SZT2: variants seen among roughly 807,000 people sequenced by gnomAD.
The protein encoded by SZT2 is SZT2 subunit of KICSTOR complex.
Under a neutral mutation model 404.2 loss-of-function variants are expected in SZT2, and 216 were observed. The observed-to-expected ratio is 0.53, with a 90% CI of 0.48 to 0.60. The LOEUF is 0.60. Ranked by LOEUF, SZT2 falls within the 20% of genes least tolerant of loss-of-function variation. The probability of loss-of-function intolerance (pLI) is 0.00; values close to 1 mark genes in which losing one functional copy is unlikely to be tolerated. For missense variants in SZT2, 3,857 were observed against 4,459.2 expected, an observed-to-expected ratio of 0.86 and a Z score of 3.85; for synonymous variants, 1,693 against 1,749.9, an observed-to-expected ratio of 0.97 and a Z score of 0.81.
At chr1:43,430,139 C>A in intron 30 of SZT2, 36 bp downstream of exon 30, 1 of 1,611,492 alleles carries the variant, frequency 6.2e-7, no homozygotes, top group Non-Finnish European at 8.5e-7. Flanking sequence ...CTCGTGCCCT[C>A]AACCCAGAGG....
In SZT2 at chr1:43,445,998, T is replaced by C; in HGVS notation, c.8916+14T>C. 1 of 1,613,546 alleles carries C rather than the reference T, an allele frequency of 6.2e-7. No homozygotes were observed. Among genetic ancestry groups the C allele is most frequent in the Non-Finnish European group, 8.5e-7 (1 of 1,179,568 alleles). On this transcript the variant is annotated intron_variant, in intron 63 of 71. Transcript: ENST00000634258. ...GGGAGCCCCAAGGTAACTTGTCATA[T>C]AATGGTAAAGTTACTGATGCTAAAT...
At chr1:43,443,945 G>A (rs1187249043) in intron 62 of SZT2, 149 bp downstream of exon 62, 2 of 933,072 alleles carry the variant, frequency 2.1e-6, no homozygotes, top group African/African-American at 1.7e-5. Context: ...CTCATGTGAG[G>A]GTCTCAGATA....
rs1302940706 is a variant in SZT2, at chr1:43,429,778, G to A, written c.4242G>A (p.Glu1414=). The change falls in exon 29 of 72, where the codon GAG becomes GAA. Residue 1414 remains glutamate (E), a synonymous_variant. Transcript: ENST00000634258. ...CTGGCATTCCAGACCCTGGGCCAGA[G>A]ATCTCTCTGACAGATGTCTGCCAGC... ...RVPGIPDPGP[E]ISLTDVCQLR... 2.5e-6 allele frequency: 4 copies of A among 1,614,110 alleles called. No homozygotes were observed. Among genetic ancestry groups the A allele is most frequent in the East Asian group, 2.2e-5 (1 of 44,886 alleles).
In SZT2 at chr1:43,394,068, CAAG is replaced by C. The variant is rs1366913696; in HGVS notation, c.27+4074_27+4076del. ...CTCTGAGAGTAATGAACTTCAGACT[CAAG>C]GAGGATTCATATGAGGACTTGAAGC... On this transcript the variant is annotated intron_variant, in intron 1 of 71. Coordinates refer to ENST00000634258, the MANE Select transcript of SZT2 (RefSeq NM_001365999.1). The C allele has an allele frequency of 6.1e-6, 6 of 984,970 alleles. No homozygotes were observed. The South Asian group carries it at 1.9e-4, about 31-fold the overall frequency. The allele number at this position is 984,970 out of a possible 1,614,324, so 61.0% of individuals were successfully genotyped here. A position where few individuals can be genotyped will look rare whatever the true frequency, so the allele number is the denominator to read the frequency against.
chr1:43,453,406 G>A lies in SZT2; in HGVS notation c.*2926G>A, dbSNP rs545302537. ...GGTACCTGGGACAGCCCAGGGCTTT[G>A]GCATACCGCACGGCCTGCTCCAGTC... On this transcript the variant is annotated 3_prime_UTR_variant, in exon 72 of 72. Coordinates refer to ENST00000634258, the MANE Select transcript of SZT2 (RefSeq NM_001365999.1). 1.9e-6 allele frequency: 3 copies of A among 1,556,536 alleles called. No homozygotes were observed. Among genetic ancestry groups the A allele is most frequent in the Non-Finnish European group, 2.6e-6 (3 of 1,149,260 alleles).
At chr1:43,423,012 G>T (rs1652598514) in intron 14 of SZT2, 87 bp from the exon 15 acceptor site, 2 of 1,506,562 alleles carry the variant, frequency 1.3e-6, no homozygotes, top group Non-Finnish European at 1.8e-6. Context: ...CTGGAGAAGA[G>T]GGCTGTGTCT....
At position 43,445,902 on chromosome 1, in the gene SZT2, G is replaced by A. The variant is rs767832774; in HGVS notation, c.8834G>A (p.Arg2945Gln). The A allele has an allele frequency of 2.1e-5, 34 of 1,614,054 alleles. No homozygotes were observed. Among genetic ancestry groups the A allele is most frequent in the South Asian group, 3.3e-5 (3 of 91,084 alleles). Residue 2945 changes from arginine (R) to glutamine (Q), a missense_variant, in exon 63 of 72, where the codon CGG becomes CAG. Around this residue, in one of 7 missense-constraint regions of SZT2, gnomAD observed 717 missense variants for 868.2 expected, o/e 0.83. Transcript: ENST00000634258. Reference protein sequence around the residue: ...RPPSPARSTSRPRAMAILGTE... With the variant: ...RPPSPARSTSQPRAMAILGTE... ...CTCCTCCTTTTCTATAGCACCAGCC[G>A]GCCACGGGCCATGGCTATCCTTGGA...
At position 43,441,428 on chromosome 1, in the gene SZT2, C is replaced by T; in HGVS notation, c.7511+48C>T. 3 of 1,609,996 alleles carry T rather than the reference C, an allele frequency of 1.9e-6. No individual in the cohort carries two copies. Among genetic ancestry groups the T allele is most frequent in the Non-Finnish European group, 2.5e-6 (3 of 1,177,452 alleles). On this transcript the variant is annotated intron_variant, in intron 53 of 71. Transcript: ENST00000634258. This position sits in a 1 kb window ranked among gnomAD's most constrained non-coding sequence, Gnocchi z 4.8. The stretch of plus-strand genomic sequence containing the variant: ...CCCTGGGAGGGTATGGGTGTGAAGT[C>T]ACAGATGGGCCTTGGTCTGTATAAA...
intron 1 of SZT2, among the ~76,000 whole-genome samples, 171 bp from the exon 2 acceptor site, chr1:43,403,006 A>G (rs1649864857): frequency 6.6e-6 from 1 of 152,160 alleles, no homozygotes; most frequent in Non-Finnish European, 1.5e-5. Flanking sequence ...AGAGTTGAGA[A>G]TTGACTCCCT....
chr1:43,432,585 G>T lies in SZT2; in HGVS notation c.5511G>T (p.Leu1837=). Residue 1837 remains leucine (L), a synonymous_variant, in exon 38 of 72, where the codon CTG becomes CTT. Coordinates refer to ENST00000634258, the MANE Select transcript of SZT2 (RefSeq NM_001365999.1). The part of the protein sequence containing the change: ...EDSEGVPLIS[L]PRVPQGGSQP... ...CTGAGGGTGTCCCCCTCATCAGCCT[G>T]CCCCGCGTGCCACAGGGAGGTAAGA... The T allele has an allele frequency of 1.9e-6, 3 of 1,613,758 alleles. No homozygotes were observed. Among genetic ancestry groups the T allele is most frequent in the Non-Finnish European group, 2.5e-6 (3 of 1,179,802 alleles).
chr1:43,445,934 G>A lies in SZT2; in HGVS notation c.8866G>A (p.Gly2956Ser), dbSNP rs201072050. ...PRAMAILGTE[G>S]RGSFSCPKTK... ...GGCCATGGCTATCCTTGGAACAGAG[G>A]GTCGAGGCTCCTTCTCCTGCCCTAA... Residue 2956 changes from glycine (G) to serine (S), a missense_variant, in exon 63 of 72, where the codon GGT becomes AGT. This residue lies in a region of SZT2 where 717 missense variants were observed against 868.2 expected (regional missense o/e 0.83). Coordinates refer to ENST00000634258, the MANE Select transcript of SZT2 (RefSeq NM_001365999.1). The A allele has an allele frequency of 4.0e-5, 65 of 1,614,092 alleles. No homozygotes were observed. Among genetic ancestry groups the A allele is most frequent in the Non-Finnish European group, 5.3e-5 (62 of 1,180,050 alleles).
chr1:43,427,091 C>T lies in SZT2; in HGVS notation c.3345C>T (p.Ile1115=), dbSNP rs775988619. 6.8e-6 allele frequency: 11 copies of T among 1,614,028 alleles called. No individual in the cohort carries two copies. In the Admixed American group the frequency reaches 1.8e-4, roughly 27 times the overall value. Residue 1115 remains isoleucine (I), a synonymous_variant, in exon 24 of 72, where the codon ATC becomes ATT. Transcript: ENST00000634258. The part of the protein sequence containing the change: ...VGLPETLKPL[I]SAQPPQWRCY... Reference sequence around the variant, plus strand: ...TTCCTGAAACTCTCAAGCCTCTCATCTCTGCCCAGCCCCCTCAGTGGCGCT... The same window carrying T: ...TTCCTGAAACTCTCAAGCCTCTCATTTCTGCCCAGCCCCCTCAGTGGCGCT...
rs1244563617 is a variant in SZT2, at chr1:43,430,560, G to A, written c.4545G>A (p.Glu1515=). The A allele has an allele frequency of 2.5e-6, 4 of 1,614,096 alleles. No homozygotes were observed. Among genetic ancestry groups the A allele is most frequent in the African/African-American group, 1.3e-5 (1 of 74,936 alleles). Residue 1515 remains glutamate (E), a synonymous_variant, in exon 32 of 72, where the codon GAG becomes GAA. Coordinates refer to ENST00000634258, the MANE Select transcript of SZT2 (RefSeq NM_001365999.1). ...SDPELEVEYR[E]SRESDLGPAG... is the part of the protein sequence containing the mutation. Reference sequence around the variant, plus strand: ...CAGAGCTAGAGGTAGAATACCGGGAGAGCCGTGAATCAGACCTGGGGCCTG... The same window carrying A: ...CAGAGCTAGAGGTAGAATACCGGGAAAGCCGTGAATCAGACCTGGGGCCTG...
chr1:43,438,525 CAT>C (rs1388735593), intron 46 of SZT2, among the ~76,000 whole-genome samples, 172 bp from the exon 47 acceptor site: 1 of 152,128 alleles, frequency 6.6e-6, no homozygotes, highest in Non-Finnish European at 1.5e-5. Flanking sequence ...TCCATAGTGA[CAT>C]AACGAGTAGT....
chr1:43,439,904 C>G lies in SZT2; in HGVS notation c.7066C>G (p.Arg2356Gly). The G allele has an allele frequency of 6.2e-7, 1 of 1,604,342 alleles. No individual in the cohort carries two copies. The highest frequency in any genetic ancestry group is 8.5e-7 in the Non-Finnish European group (1 of 1,174,806). ...SSAQNGAPRLRLDVWEKGNIS... is the reference protein window; with the variant it reads ...SSAQNGAPRLGLDVWEKGNIS... ...AGCTCAGAATGGGGCCCCACGGCTT[C>G]GATTGGATGTGTGGGAAAAGGGGAA... Residue 2356 changes from arginine to glycine, a missense_variant, in exon 51 of 72, where the codon CGA (arginine) becomes GGA (glycine). Around this residue, in one of 7 missense-constraint regions of SZT2, gnomAD observed 573 missense variants for 592.4 expected, o/e 0.97. Coordinates refer to ENST00000634258, the MANE Select transcript of SZT2 (RefSeq NM_001365999.1). The surrounding 1 kb of genome is among the most constrained non-coding windows in gnomAD (Gnocchi z 4.2).
chr1:43,415,821 C>T, intron 5 of SZT2, 139 bp from the exon 6 acceptor site: 4 of 983,838 alleles, frequency 4.1e-6, no homozygotes, highest in Non-Finnish European at 2.9e-6. Flanking sequence ...AAGACTCAGC[C>T]GCATAGTAGG....
Position 43,450,419 on chromosome 1 carries a change from A to G in SZT2, c.10238A>G (p.Tyr3413Cys). Residue 3413 changes from tyrosine (Y) to cysteine (C), a missense_variant, in exon 72 of 72, where the codon TAC becomes TGC. Coordinates refer to ENST00000634258, the MANE Select transcript of SZT2 (RefSeq NM_001365999.1). The surrounding 1 kb of genome is among the most constrained non-coding windows in gnomAD (Gnocchi z 4.3). Reference sequence around the variant, plus strand: ...CCCCCTGCCCAACTGGTCTCCACCTACCACCACCTGGAGTCTGTCATCAAC... The same window carrying G: ...CCCCCTGCCCAACTGGTCTCCACCTGCCACCACCTGGAGTCTGTCATCAAC... ...ESPPAQLVST[Y>C]HHLESVINTA... 2 of 1,613,750 alleles carry G rather than the reference A, an allele frequency of 1.2e-6. No homozygotes were observed. The highest frequency in any genetic ancestry group is 2.2e-5 in the South Asian group (2 of 91,046).
intron 12 of SZT2, 43 bp downstream of exon 12, chr1:43,422,268 G>C: frequency 6.5e-7 from 1 of 1,538,940 alleles, no homozygotes. Flanking sequence ...GTGGAGTATC[G>C]GGGTCAGGGG....
intron 4 of SZT2, 65 bp from the exon 5 acceptor site, chr1:43,415,012 ACAGAG>A: frequency 6.5e-7 from 1 of 1,543,654 alleles, no homozygotes; most frequent in Non-Finnish European, 8.7e-7. Flanking sequence ...TGGAGAATAA[ACAGAG>A]CAGAAGTGTA....
Sources: allele counts gnomAD v4.1 joint callset (sites outside exome capture counted in the v4.1 genomes callset), GRCh38; gene constraint gnomAD v4.1.1; regional missense constraint gnomAD v4.1.1; non-coding constraint Gnocchi (gnomAD v3.1); transcripts MANE v1.5; gene names NCBI Gene and HGNC (gene_info 2026-07-23, HGNC 2026-07-21).